SV2B: variants seen among roughly 807,000 people sequenced by gnomAD.
The protein encoded by SV2B is synaptic vesicle glycoprotein 2B.
SV2B carries 41 observed loss-of-function variants against 73.9 expected under a neutral mutation model. That is an observed-to-expected ratio of 0.56 (90% CI 0.43 to 0.72). The LOEUF (loss-of-function observed/expected upper bound fraction) is 0.72, where lower values mean the gene tolerates loss of function less well. Among genes scored for constraint, SV2B ranks in the 30% least tolerant of loss-of-function variants. SV2B has a pLI of 0.00. For missense variants in SV2B, 764 were observed against 857.8 expected (o/e 0.89, Z 1.37); for synonymous variants, 314 against 314.2 (o/e 1.00, Z 0.01).
At chr15:91,161,273 C>A (rs989270141) in intron 1 of SV2B, among the ~76,000 whole-genome samples, 2 of 130,472 alleles carry the variant, frequency 1.5e-5, no homozygotes, top group Non-Finnish European at 3.3e-5. Context: ...AACCATAAAA[C>A]TGAAATGGGT....
At chr15:91,244,089 T>G (rs927457709) in intron 2 of SV2B, among the ~76,000 whole-genome samples, 1 of 152,228 alleles carries the variant, frequency 6.6e-6, no homozygotes, top group African/African-American at 2.4e-5. Flanking sequence ...CTAGGTTCTT[T>G]CATCAGAGAT....
Position 91,147,965 on chromosome 15 carries a change from C to CTTTTTTTTTT in SV2B, c.-392+47626_-392+47635dup, listed in dbSNP as rs60896008. ...GTTCCCCACCCCGCACCCCCCCCAA[C>CTTTTTTTTTT]TTTTTTTTTTTTTTTTTTTTTTTTT... On this transcript the variant is annotated intron_variant, in intron 1 of 12. Coordinates refer to ENST00000394232, the MANE Select transcript of SV2B (RefSeq NM_001323032.3). 8.9e-4 allele frequency among the ~76,000 whole-genome samples: 35 copies of CTTTTTTTTTT among 39,300 alleles called. 2 individuals carry two copies. The highest frequency in any genetic ancestry group is 1.5e-3 in the South Asian group (1 of 658). 25.8% of individuals were successfully genotyped at this position (39,300 alleles called of 152,430 possible).
chr15:91,204,627 G>T (rs533970126), intron 1 of SV2B, among the ~76,000 whole-genome samples: 148 of 147,954 alleles, frequency 1.0e-3, no homozygotes, highest in African/African-American at 3.6e-3. Flanking sequence ...CTCGGTCACA[G>T]CTCACTGTAG....
chr15:91,132,870 A>G lies in SV2B; in HGVS notation c.-392+32507A>G, dbSNP rs765316189. On this transcript the variant is annotated intron_variant, in intron 1 of 12. Transcript: ENST00000394232. This position sits in a 1 kb window ranked among gnomAD's most constrained non-coding sequence, Gnocchi z 4.6. ...AAGAAAAAAAAAAGTGAGTTAATGT[A>G]GGGCTGAAAATTGTGCATGTCTCTG... Among the ~76,000 whole-genome samples, 15 of 152,114 alleles carry G rather than the reference A, an allele frequency of 9.9e-5. No homozygotes were observed. Among genetic ancestry groups the G allele is most frequent in the Non-Finnish European group, 1.6e-4 (11 of 68,022 alleles).
intron 1 of SV2B, among the ~76,000 whole-genome samples, chr15:91,179,707 G>T (rs1398679000): frequency 1.3e-5 from 2 of 152,154 alleles, no homozygotes; most frequent in Admixed American, 1.3e-4. Context: ...CAGAGACTAA[G>T]ATTGCAACCC....
At chr15:91,263,135 G>A (rs535447679) in intron 6 of SV2B, among the ~76,000 whole-genome samples, 1 of 152,046 alleles carries the variant, frequency 6.6e-6, no homozygotes, top group South Asian at 2.1e-4. Flanking sequence ...GAGACACACA[G>A]ACACAGGGAC....
chr15:91,179,181 G>T (rs1271157990), intron 1 of SV2B, among the ~76,000 whole-genome samples: 1 of 152,100 alleles, frequency 6.6e-6, no homozygotes, highest in African/African-American at 2.4e-5. Context: ...AGATTGTTCA[G>T]TTTCCATGTA....
intron 1 of SV2B, among the ~76,000 whole-genome samples, chr15:91,209,620 G>C (rs1017648323): frequency 6.6e-6 from 1 of 152,150 alleles, no homozygotes; most frequent in Admixed American, 6.5e-5. Flanking sequence ...GTAATATATG[G>C]GGAAGCCCAG....
In SV2B at chr15:91,240,522, A is replaced by G. The variant is rs1363795045; in HGVS notation, c.452-11297A>G. ...CATGGAGCCAACATTTTAATAAAGA[A>G]AAAGGCTAAAAAACCCCAAAAAACC... On this transcript the variant is annotated intron_variant, in intron 2 of 12. Coordinates refer to ENST00000394232, the MANE Select transcript of SV2B (RefSeq NM_001323032.3). The surrounding 1 kb of genome is among the most constrained non-coding windows in gnomAD (Gnocchi z 4.6). 6.6e-6 allele frequency among the ~76,000 whole-genome samples: 1 copy of G among 152,166 alleles called. No individual in the cohort carries two copies. The highest frequency in any genetic ancestry group is 2.4e-5 in the African/African-American group (1 of 41,428).
chr15:91,271,543 G>A (rs900904277), intron 9 of SV2B, among the ~76,000 whole-genome samples: 1 of 152,144 alleles, frequency 6.6e-6, no homozygotes, highest in East Asian at 1.9e-4. Context: ...AAGTTGTAAT[G>A]AGTTCATTGT....
chr15:91,207,171 G>A (rs1383476277), intron 1 of SV2B, among the ~76,000 whole-genome samples: 2 of 148,298 alleles, frequency 1.3e-5, no homozygotes, highest in South Asian at 2.1e-4. Flanking sequence ...ACAGGCACAC[G>A]CCATTATGCC....
Position 91,284,284 on chromosome 15 carries a change from T to G in SV2B, c.1708+63T>G. The G allele has an allele frequency of 4.5e-6, 7 of 1,549,896 alleles. No individual in the cohort carries two copies. Among genetic ancestry groups the G allele is most frequent in the Non-Finnish European group, 6.2e-6 (7 of 1,129,850 alleles). ...GCTGGGGTGGTGACTTTCAAGTGTA[T>G]TAAACAGGGAAATTTTCCCTTTTAT... On this transcript the variant is annotated intron_variant, in intron 11 of 12. Coordinates refer to ENST00000394232, the MANE Select transcript of SV2B (RefSeq NM_001323032.3). The surrounding 1 kb of genome is among the most constrained non-coding windows in gnomAD (Gnocchi z 4.5).
intron 5 of SV2B, 121 bp from the exon 6 acceptor site, chr15:91,260,199 C>G (rs2047858350): frequency 4.8e-6 from 4 of 840,382 alleles, no homozygotes. Flanking sequence ...GCAATTGCCT[C>G]AGACCTGCTA....
chr15:91,138,645 C>T (rs1186838876), intron 1 of SV2B, among the ~76,000 whole-genome samples: 2 of 151,866 alleles, frequency 1.3e-5, no homozygotes, highest in Non-Finnish European at 2.9e-5. Flanking sequence ...TATAGTATAG[C>T]AAATATTTAT....
intron 1 of SV2B, among the ~76,000 whole-genome samples, chr15:91,155,831 TCCAGA>T (rs2043471363): frequency 6.6e-6 from 1 of 152,096 alleles, no homozygotes; most frequent in Admixed American, 6.6e-5. Flanking sequence ...TGGTCATTGT[TCCAGA>T]CCGTTAAGGT....
In SV2B at chr15:91,224,140, C is replaced by T. The variant is rs1879842000; in HGVS notation, c.-391-1733C>T. ...CAGGAAGCAGGTGTGGGGCAGAGGGCCCAGGGATGGGCTGTGGGCAGAGGG... is the reference window on the plus strand; with the variant it reads ...CAGGAAGCAGGTGTGGGGCAGAGGGTCCAGGGATGGGCTGTGGGCAGAGGG... On this transcript the variant is annotated intron_variant, in intron 1 of 12. Coordinates refer to ENST00000394232, the MANE Select transcript of SV2B (RefSeq NM_001323032.3). The surrounding 1 kb of genome is among the most constrained non-coding windows in gnomAD (Gnocchi z 4.9). Among the ~76,000 whole-genome samples the T allele has an allele frequency of 6.6e-6, 1 of 152,138 alleles. No individual in the cohort carries two copies. The highest frequency in any genetic ancestry group is 2.4e-5 in the African/African-American group (1 of 41,428).
rs138694644 is a variant in SV2B, at chr15:91,288,996, T to C, written c.1709-525T>C. On this transcript the variant is annotated intron_variant, in intron 11 of 12. Coordinates refer to ENST00000394232, the MANE Select transcript of SV2B (RefSeq NM_001323032.3). The surrounding 1 kb of genome is among the most constrained non-coding windows in gnomAD (Gnocchi z 5.8). ...TTTTTAATGTCTGAGTAGTATCCCA[T>C]TGTGTATGTAAACCACATTTTCTTT... Among the ~76,000 whole-genome samples, 3 of 152,194 alleles carry C rather than the reference T, an allele frequency of 2.0e-5. No homozygotes were observed. The highest frequency in any genetic ancestry group is 4.4e-5 in the Non-Finnish European group (3 of 68,022).
intron 1 of SV2B, among the ~76,000 whole-genome samples, chr15:91,177,318 G>A (rs2044352438): frequency 6.6e-6 from 1 of 151,804 alleles, no homozygotes; most frequent in African/African-American, 2.4e-5. Context: ...TTTGAAGTCA[G>A]GGAGCGTGAT....
rs1305197227 is a variant in SV2B, at chr15:91,284,505, G to T, written c.1708+284G>T. Among the ~76,000 whole-genome samples the T allele has an allele frequency of 6.6e-6, 1 of 152,088 alleles. No homozygotes were observed. Among genetic ancestry groups the T allele is most frequent in the Non-Finnish European group, 1.5e-5 (1 of 68,022 alleles). Reference sequence around the variant, plus strand: ...TTAATCTATTAGCACTTCAATAAGGGTAGTAATAATATCCACCCTGCCTCT... The same window carrying T: ...TTAATCTATTAGCACTTCAATAAGGTTAGTAATAATATCCACCCTGCCTCT... On this transcript the variant is annotated intron_variant, in intron 11 of 12. Transcript: ENST00000394232. The surrounding 1 kb of genome is among the most constrained non-coding windows in gnomAD (Gnocchi z 4.5).
Sources: gnomAD v4.1 joint callset for allele counts (sites outside exome capture counted in the v4.1 genomes callset) on GRCh38, gnomAD v4.1.1 for gene constraint, Gnocchi (gnomAD v3.1) non-coding constraint, MANE v1.5 for transcripts, NCBI Gene and HGNC (gene_info 2026-07-23, HGNC 2026-07-21) for gene names.